The following ATRX variants were observed in gnomAD, a reference collection of about 807,000 sequenced individuals.
ATRX encodes the protein ATRX chromatin remodeler, also known as chromatin remodeler ATRX.
A neutral mutation model predicts 172.6 loss-of-function variants in ATRX; 12 were observed. The observed-to-expected ratio is 0.07, with a 90% confidence interval of 0.04 to 0.11. The LOEUF is 0.11. Among genes scored for constraint, ATRX ranks in the 10% least tolerant of loss-of-function variants. The probability of loss-of-function intolerance (pLI) is 1.00; values close to 1 mark genes in which losing one functional copy is unlikely to be tolerated. For missense variants in ATRX, 1,368 were observed against 1,767.4 expected (o/e 0.77, Z 4.05); for synonymous variants, 674 against 594.7 (o/e 1.13, Z -1.94).
chrX:77,634,458 C>A, intron 17 of ATRX, 136 bp downstream of exon 17: 1 of 519,630 alleles, frequency 1.9e-6, no homozygotes. Flanking sequence ...AATATAAGCT[C>A]CTTGGAGACA....
chrX:77,528,436 T>A (rs921889192), intron 30 of ATRX, among the ~76,000 whole-genome samples: 2 of 111,204 alleles, frequency 1.8e-5, no homozygotes, highest in Non-Finnish European at 3.8e-5. Context: ...CCTGATCCCA[T>A]CCCTCCTGAC....
At chrX:77,745,594 G>A (rs1354519648) in intron 1 of ATRX, among the ~76,000 whole-genome samples, 6 of 111,519 alleles carry the variant, frequency 5.4e-5, no homozygotes, top group Non-Finnish European at 1.1e-4. Context: ...AGGCTAGGAC[G>A]GGTAGTGGGG....
chrX:77,549,254 G>T (rs1021065029), intron 30 of ATRX, among the ~76,000 whole-genome samples: 1 of 111,102 alleles, frequency 9.0e-6, no homozygotes, highest in African/African-American at 3.3e-5. Context: ...GCGTGGTGGC[G>T]CATGCCTGTA....
chrX:77,548,709 A>C, intron 30 of ATRX, among the ~76,000 whole-genome samples: 1 of 112,841 alleles, frequency 8.9e-6, no homozygotes, highest in Non-Finnish European at 1.9e-5. Context: ...ATTAAGAATG[A>C]CTAAGGTGAA....
At chrX:77,632,241 T>TC (rs1293857888) in intron 19 of ATRX, among the ~76,000 whole-genome samples, 1 of 109,162 alleles carries the variant, frequency 9.2e-6, no homozygotes, top group Non-Finnish European at 1.9e-5. Flanking sequence ...AAGCTTTAAT[T>TC]TTTTTTTTCT....
chrX:77,730,444 C>A (rs1202909509), intron 1 of ATRX, among the ~76,000 whole-genome samples: 1 of 111,422 alleles, frequency 9.0e-6, no homozygotes, highest in Non-Finnish European at 1.9e-5. Context: ...CAAAGAAAAC[C>A]AACAATGAAG....
At chrX:77,627,160 G>A (rs892841016) in intron 19 of ATRX, among the ~76,000 whole-genome samples, 3 of 111,413 alleles carry the variant, frequency 2.7e-5, no homozygotes, top group African/African-American at 9.8e-5. Flanking sequence ...GTGAACCCGG[G>A]AGGCGGAGCT....
At chrX:77,674,817 T>C (rs1557132619) in intron 10 of ATRX, 1 of 111,543 alleles carries the variant, frequency 9.0e-6, no homozygotes, top group Non-Finnish European at 1.9e-5. Flanking sequence ...CTGGCTGTGA[T>C]GATATAATGT....
chrX:77,774,886 GT>G (rs1557201481), intron 1 of ATRX, among the ~76,000 whole-genome samples: 1 of 94,328 alleles, frequency 1.1e-5, no homozygotes, highest in African/African-American at 4.4e-5. Context: ...TAGTACTTTT[GT>G]TTGTTTGTTT....
At chrX:77,760,639 G>A (rs1473458822) in intron 1 of ATRX, among the ~76,000 whole-genome samples, 1 of 110,515 alleles carries the variant, frequency 9.0e-6, no homozygotes, top group Non-Finnish European at 1.9e-5. Flanking sequence ...TAAATAAACT[G>A]AAAAAATTCT....
chrX:77,516,217 A>T (rs1355937277), intron 34 of ATRX, among the ~76,000 whole-genome samples: 2 of 112,062 alleles, frequency 1.8e-5, no homozygotes, highest in African/African-American at 6.5e-5. Flanking sequence ...GTATCCATGA[A>T]CTTAAAATGA....
At chrX:77,714,016 C>T (rs986460388) in intron 2 of ATRX, among the ~76,000 whole-genome samples, 1 of 111,315 alleles carries the variant, frequency 9.0e-6, no homozygotes, top group African/African-American at 3.3e-5. Context: ...CAGCTGGTAG[C>T]AGGTGGCAGC....
At chrX:77,740,393 T>C (rs1313241825) in intron 1 of ATRX, among the ~76,000 whole-genome samples, 1 of 111,151 alleles carries the variant, frequency 9.0e-6, no homozygotes, top group African/African-American at 3.3e-5. Context: ...CCCTACACTT[T>C]CCTAGGTTTT....
Position 77,681,557 on chromosome X carries a change from T to C in ATRX, c.3699A>G (p.Leu1233=), listed in dbSNP as rs781810723. ...EQKIKPVTEN[L]VLSSHTGFCQ... is the part of the protein sequence containing the mutation. Reference sequence around the variant, plus strand: ...AAAATCCAGTATGTGAAGACAGCACTAAATTTTCAGTCACAGGCTTAATTT... The same window carrying C: ...AAAATCCAGTATGTGAAGACAGCACCAAATTTTCAGTCACAGGCTTAATTT... The change falls in exon 9 of 35, where the codon TTA becomes TTG. Residue 1233 remains leucine, a synonymous_variant. Transcript: ENST00000373344. 1.7e-6 allele frequency: 2 copies of C among 1,210,389 alleles called. No individual in the cohort carries two copies. Among genetic ancestry groups the C allele is most frequent in the South Asian group, 3.5e-5 (2 of 56,526 alleles).
intron 15 of ATRX, among the ~76,000 whole-genome samples, chrX:77,641,712 G>C (rs185215591): frequency 1.3e-4 from 14 of 111,003 alleles, no homozygotes; most frequent in Non-Finnish European, 2.1e-4. Flanking sequence ...AATTCACTAA[G>C]TGGATTAATA....
intron 34 of ATRX, among the ~76,000 whole-genome samples, chrX:77,518,469 A>G (rs2063124064): frequency 1.8e-5 from 2 of 112,049 alleles, no homozygotes; most frequent in South Asian, 3.7e-4. Context: ...GATGTCTACA[A>G]TGAAAACTAC....
intron 26 of ATRX, among the ~76,000 whole-genome samples, chrX:77,590,516 G>A (rs1479709812): frequency 1.9e-5 from 2 of 107,357 alleles, no homozygotes; most frequent in African/African-American, 6.8e-5. Context: ...GGAGGCTGAG[G>A]TAGGAGAATG....
chrX:77,709,435 T>TA (rs782411476), intron 2 of ATRX, among the ~76,000 whole-genome samples: 418 of 110,747 alleles, frequency 3.8e-3, no homozygotes, highest in African/African-American at 0.011. Context: ...GAGTTTCTTT[T>TA]AAAAAAATGA....
chrX:77,599,623 T>G, intron 24 of ATRX, 43 bp from the exon 25 acceptor site: 2 of 1,204,651 alleles, frequency 1.7e-6, no homozygotes, highest in Non-Finnish European at 2.2e-6. Context: ...ACATTCAGAT[T>G]GTTAGAAAAG....
Sources: allele counts gnomAD v4.1 joint callset (sites outside exome capture counted in the v4.1 genomes callset), GRCh38; gene constraint gnomAD v4.1.1; transcripts MANE v1.5; gene names NCBI Gene and HGNC (gene_info 2026-07-23, HGNC 2026-07-21).